LMNB2: variants seen among roughly 807,000 people sequenced by gnomAD.
The protein encoded by LMNB2 is lamin B2, also known as lamin-B2.
LMNB2 carries 17 observed loss-of-function variants against 69.3 expected under a neutral mutation model. That is an observed-to-expected ratio of 0.25 (90% CI 0.17 to 0.37). LMNB2 has a LOEUF of 0.37. LMNB2 is among the 10% of genes least tolerant of loss of function. The pLI is 1.00. For synonymous variants in LMNB2, 397 were observed against 389.3 expected, an observed-to-expected ratio of 1.02 and a Z score of -0.23; for missense variants, 789 against 883.6, an observed-to-expected ratio of 0.89 and a Z score of 1.36.
intron 4 of LMNB2, chr19:2,436,916 C>T (rs1460931068): frequency 6.6e-6 from 1 of 152,518 alleles, no homozygotes; most frequent in Non-Finnish European, 1.5e-5. Context: ...CCCAGGTGCC[C>T]TGTGGGTTCC....
intron 11 of LMNB2, 87 bp from the exon 12 acceptor site, chr19:2,431,039 C>T: frequency 1.2e-6 from 1 of 820,714 alleles, no homozygotes; most frequent in South Asian, 1.4e-5. Context: ...CACCTCCCCA[C>T]CAGGGAGGGG....
At chr19:2,432,016 C>T in intron 9 of LMNB2, 114 bp from the exon 10 acceptor site, 1 of 1,353,186 alleles carries the variant, frequency 7.4e-7, no homozygotes. Context: ...TTCAGTCCTT[C>T]CAGCCCGACG....
rs1568209784 is a variant in LMNB2 at position 2,453,005 on chromosome 19, AATGGGGGCTGGGTCATCCTC to A, written c.264+3645_264+3664del. 1.2e-4 allele frequency among the ~76,000 whole-genome samples: 6 copies of A among 50,762 alleles called. No homozygotes were observed. Among genetic ancestry groups the A allele is most frequent in the South Asian group, 8.0e-4 (1 of 1,254 alleles). The allele number at this position is 50,762 out of a possible 152,430, so 33.3% of individuals were successfully genotyped here. Reference sequence around the variant, plus strand: ...ATCCTAATGGGGGCTGGGTCATCCTAATGGGGGCTGGGTCATCCTCGTGGGGGCTGGGTCATCCTCGTGGG... The same window carrying A: ...ATCCTAATGGGGGCTGGGTCATCCTAGTGGGGGCTGGGTCATCCTCGTGGG... On this transcript the variant is annotated intron_variant, in intron 1 of 11. Transcript: ENST00000325327. The surrounding 1 kb of genome is among the most constrained non-coding windows in gnomAD (Gnocchi z 4.4).
Position 2,439,298 on chromosome 19 carries a change from A to G in LMNB2, c.402-767T>C, listed in dbSNP as rs556527976. ...ACAGTGAGGACACCCAGGGTTCCGC[A>G]GCGTCACAACTGCTGACATCTGGGG... On this transcript the variant is annotated intron_variant, in intron 2 of 11. Coordinates refer to ENST00000325327, the MANE Select transcript of LMNB2 (RefSeq NM_032737.4). Among the ~76,000 whole-genome samples the G allele has an allele frequency of 9.9e-5, 15 of 152,232 alleles. No individual in the cohort carries two copies. The South Asian group carries it at 2.7e-3, about 27-fold the overall frequency.
At chr19:2,435,621 C>T (rs1971813210) in intron 4 of LMNB2, among the ~76,000 whole-genome samples, 3 of 152,030 alleles carry the variant, frequency 2.0e-5, no homozygotes, top group Admixed American at 1.3e-4. Flanking sequence ...GTTGCACAAC[C>T]CTGTGGAGAT....
chr19:2,452,020 C>G (rs369591787), intron 1 of LMNB2, among the ~76,000 whole-genome samples: 1 of 152,080 alleles, frequency 6.6e-6, no homozygotes, highest in Non-Finnish European at 1.5e-5. Flanking sequence ...CTGCCTCTCC[C>G]GCGCCTGGAC....
chr19:2,434,016 A>G lies in LMNB2; in HGVS notation c.1292T>C (p.Leu431Pro). 6.2e-7 allele frequency: 1 copy of G among 1,606,852 alleles called. No individual in the cohort carries two copies. The highest frequency in any genetic ancestry group is 8.5e-7 in the Non-Finnish European group (1 of 1,177,864). The change falls in exon 8 of 12, where the codon CTG (leucine) becomes CCG (proline). Residue 431 changes from leucine (L) to proline (P), a missense_variant. Coordinates refer to ENST00000325327, the MANE Select transcript of LMNB2 (RefSeq NM_032737.4). ...SSGSLSATGR[L>P]GRSKRKRLEV... ...CAGCCGCTTCCGCTTACTGCGGCCCAGGCGCCCGGTGGCGGACAAGCTGCC... is the reference window on the plus strand; with the variant it reads ...CAGCCGCTTCCGCTTACTGCGGCCCGGGCGCCCGGTGGCGGACAAGCTGCC...
chr19:2,440,630 CATCT>C (rs936114823), intron 2 of LMNB2, among the ~76,000 whole-genome samples: 7 of 141,504 alleles, frequency 4.9e-5, no homozygotes, highest in Admixed American at 2.1e-4. Context: ...TCCATCCATC[CATCT>C]ACTCATCCAT....
intron 4 of LMNB2, 96 bp from the exon 5 acceptor site, chr19:2,435,267 G>A: frequency 6.7e-7 from 1 of 1,503,706 alleles, no homozygotes; most frequent in South Asian, 1.2e-5. Context: ...GAACCTCCAG[G>A]CAATTCCTGG....
chr19:2,441,845 A>AGCAGT (rs1227473027), intron 2 of LMNB2, among the ~76,000 whole-genome samples: 2 of 152,220 alleles, frequency 1.3e-5, no homozygotes, highest in Non-Finnish European at 2.9e-5. Flanking sequence ...GCAGGCGAGC[A>AGCAGT]GCAGTGCAAA....
At chr19:2,454,727 A>G (rs1470378180) in intron 1 of LMNB2, among the ~76,000 whole-genome samples, 1 of 152,126 alleles carries the variant, frequency 6.6e-6, no homozygotes, top group Non-Finnish European at 1.5e-5. Context: ...TAGGGACCCC[A>G]GGACCCCAAC....
At position 2,428,958 on chromosome 19, in the gene LMNB2, G is replaced by A. The variant is rs897250346; in HGVS notation, c.*1953C>T. 3.1e-4 allele frequency: 47 copies of A among 152,286 alleles called. No homozygotes were observed. Among genetic ancestry groups the A allele is most frequent in the African/African-American group, 1.1e-3 (46 of 41,548 alleles). The allele number at this position is 152,286 out of a possible 1,614,324, so 9.4% of individuals were successfully genotyped here. On this transcript the variant is annotated 3_prime_UTR_variant, in exon 12 of 12. Coordinates refer to ENST00000325327, the MANE Select transcript of LMNB2 (RefSeq NM_032737.4). ...AGGGTGGGGGGTTCTGTGGGCCTGG[G>A]GCGTGCTGTTTTCAGGACAGGACTG...
intron 2 of LMNB2, among the ~76,000 whole-genome samples, chr19:2,440,558 T>C: frequency 6.6e-6 from 1 of 151,882 alleles, no homozygotes; most frequent in Non-Finnish European, 1.5e-5. Flanking sequence ...CATCCATCCA[T>C]CCATCCACCC....
In LMNB2 at chr19:2,443,865, C is replaced by T. The variant is rs941940938; in HGVS notation, c.401+539G>A. 4.6e-5 allele frequency among the ~76,000 whole-genome samples: 7 copies of T among 152,104 alleles called. No individual in the cohort carries two copies. Among genetic ancestry groups the T allele is most frequent in the African/African-American group, 1.2e-4 (5 of 41,412 alleles). ...GGCTGAGAGGGGAGATCGTTTCTGC[C>T]GATGGACACAGTTGTCACCCAGAAG... On this transcript the variant is annotated intron_variant, in intron 2 of 11. Transcript: ENST00000325327. This position sits in a 1 kb window ranked among gnomAD's most constrained non-coding sequence, Gnocchi z 6.2.
intron 1 of LMNB2, among the ~76,000 whole-genome samples, chr19:2,444,848 C>A (rs1400525629): frequency 6.6e-6 from 1 of 152,208 alleles, no homozygotes; most frequent in Non-Finnish European, 1.5e-5. Context: ...GCTCCAGCTC[C>A]CAGAACAGCG....
chr19:2,431,084 C>T (rs1386768191), intron 11 of LMNB2, 132 bp from the exon 12 acceptor site: 8 of 714,998 alleles, frequency 1.1e-5, no homozygotes, highest in Non-Finnish European at 2.1e-5. Context: ...TAGAGCCTTC[C>T]ATTCCACTTC....
chr19:2,434,308 C>T lies in LMNB2; in HGVS notation c.1189G>A (p.Gly397Ser), dbSNP rs570018926. ...GGCCTGCCGCACCTCTCCTCCTCGC[C>T]CTCCAGGAGCTTCCGGTAGGCGTTG... The part of the protein sequence containing the change: ...EINAYRKLLE[G>S]EEERLKLSPS... Residue 397 changes from glycine (G) to serine (S), a missense_variant, in exon 7 of 12, where the codon GGC becomes AGC. Physicochemically the swap from Gly to Ser is moderately conservative, Grantham distance 56. Coordinates refer to ENST00000325327, the MANE Select transcript of LMNB2 (RefSeq NM_032737.4). The T allele has an allele frequency of 1.9e-6, 3 of 1,612,962 alleles. No homozygotes were observed. The highest frequency in any genetic ancestry group is 1.3e-5 in the African/African-American group (1 of 75,050).
At chr19:2,437,056 C>G (rs938149399) in intron 4 of LMNB2, 1 of 152,720 alleles carries the variant, frequency 6.5e-6, no homozygotes, top group South Asian at 2.1e-4. Flanking sequence ...TGTGGGGCCC[C>G]CCCCACTCCC....
intron 1 of LMNB2, among the ~76,000 whole-genome samples, chr19:2,451,264 A>AG (rs565771919): frequency 7.5e-4 from 114 of 152,142 alleles, no homozygotes; most frequent in African/African-American, 2.4e-3. Flanking sequence ...GATAAAGGCC[A>AG]GGGGGGAAGA....
Sources: gnomAD v4.1 joint callset for allele counts (sites outside exome capture counted in the v4.1 genomes callset) on GRCh38, gnomAD v4.1.1 for gene constraint, Gnocchi (gnomAD v3.1) non-coding constraint, MANE v1.5 for transcripts, NCBI Gene and HGNC (gene_info 2026-07-23, HGNC 2026-07-21) for gene names.